The following RNF212 variants were observed in gnomAD, a reference collection of about 807,000 sequenced individuals.
RNF212 encodes probable E3 SUMO-protein ligase RNF212.
RNF212 carries 33 observed loss-of-function variants against 34.7 expected under a neutral mutation model. The ratio of observed to expected loss-of-function variants is 0.95; its 90% CI spans 0.72 to 1.27. The LOEUF (loss-of-function observed/expected upper bound fraction) is 1.27, where lower values mean the gene tolerates loss of function less well. RNF212 is among the 50% of genes most tolerant of loss of function. The pLI is 0.00. For missense variants in RNF212, 377 were observed against 362.2 expected (o/e 1.04, Z -0.33); for synonymous variants, 140 against 136.1 (o/e 1.03, Z -0.20).
rs1030168611 is a variant in RNF212, at chr4:1,072,519, A to G, written c.*355T>C. 1 of 289,278 alleles carries G rather than the reference A, an allele frequency of 3.5e-6. No homozygotes were observed. Among genetic ancestry groups the G allele is most frequent in the Non-Finnish European group, 5.7e-6 (1 of 174,376 alleles). 17.9% of individuals were successfully genotyped at this position (289,278 alleles called of 1,614,324 possible). On this transcript the variant is annotated 3_prime_UTR_variant, in exon 10 of 10. Coordinates refer to ENST00000433731, the MANE Select transcript of RNF212 (RefSeq NM_001131034.4). ...TGTGTGGAGTCATGGTGTATATGGG[A>G]AATCTGTACCTTCCTTTCAATTTTT...
chr4:1,093,860 C>A (rs1403523837), intron 3 of RNF212: 20 of 1,536,132 alleles, frequency 1.3e-5, no homozygotes, highest in Non-Finnish European at 1.4e-5. Context: ...GGACCGCCGG[C>A]ATCCTGGTCT....
At chr4:1,078,478 C>T (rs777658717) in intron 8 of RNF212, among the ~76,000 whole-genome samples, 1 of 152,324 alleles carries the variant, frequency 6.6e-6, no homozygotes, top group African/African-American at 2.4e-5. Flanking sequence ...CCCTGAGTTC[C>T]GGGCAGGTTT....
intron 3 of RNF212, chr4:1,058,486 C>T (rs967617576): frequency 3.7e-5 from 17 of 454,120 alleles, no homozygotes; most frequent in Middle Eastern, 4.3e-4. Flanking sequence ...TGAGCTTCTC[C>T]GTAGCTGTCA....
intron 4 of RNF212, among the ~76,000 whole-genome samples, chr4:1,089,379 A>G (rs1721833014): frequency 2.0e-5 from 3 of 152,174 alleles, no homozygotes; most frequent in Admixed American, 1.3e-4. Flanking sequence ...TCCCATTTGG[A>G]ATGGGAACAT....
At chr4:1,080,503 TG>T (rs1050918550) in intron 7 of RNF212, among the ~76,000 whole-genome samples, 2 of 152,140 alleles carry the variant, frequency 1.3e-5, no homozygotes, top group African/African-American at 4.8e-5. Flanking sequence ...CCCACTTGGC[TG>T]GCCCCGCTGA....
chr4:1,102,598 A>C (rs549180886), intron 2 of RNF212, among the ~76,000 whole-genome samples: 42 of 152,240 alleles, frequency 2.8e-4, no homozygotes, highest in African/African-American at 8.7e-4. Context: ...AAAAAACAAA[A>C]AAAAAACACT....
chr4:1,080,541 A>G (rs1424787361), intron 7 of RNF212, among the ~76,000 whole-genome samples: 1 of 152,088 alleles, frequency 6.6e-6, no homozygotes. Context: ...GACCGTACAG[A>G]TGTACCACAG....
At chr4:1,071,103 T>A (rs532248110), downstream of RNF212, among the ~76,000 whole-genome samples, 15 of 152,030 alleles carry the variant, frequency 9.9e-5, no homozygotes, top group East Asian at 1.9e-3. Flanking sequence ...TAAATTATTT[T>A]AAAAAACTAA....
At chr4:1,058,393 C>T in exon 4 of RNF212, 1 of 981,974 alleles carries the variant, frequency 1.0e-6, no homozygotes, top group Non-Finnish European at 1.2e-6. Context: ...GGAGACGCTG[C>T]CTGTGGTGGA....
chr4:1,081,602 T>G lies in RNF212; in HGVS notation c.380A>C (p.Gln127Pro), dbSNP rs750462993. The G allele has an allele frequency of 3.2e-5, 51 of 1,610,214 alleles. No homozygotes were observed. In the Middle Eastern group the frequency reaches 4.9e-4, roughly 16 times the overall value. Reference protein sequence around the residue: ...EQLQSMRSSQQTAFSTIKSSV... With the variant: ...EQLQSMRSSQPTAFSTIKSSV... ...ACTTTTTATTGTGCTGAAAGCTGTT[T>G]GTTGTGATGATCTCATACTAAATAG... Residue 127 changes from glutamine (Q) to proline (P), a missense_variant, in exon 6 of 10, where the codon CAA becomes CCA. By Grantham distance (76) the Gln-to-Pro change is moderately conservative. Coordinates refer to ENST00000433731, the MANE Select transcript of RNF212 (RefSeq NM_001131034.4).
chr4:1,103,827 A>G (rs535360874), intron 2 of RNF212, among the ~76,000 whole-genome samples: 6 of 152,338 alleles, frequency 3.9e-5, no homozygotes, highest in African/African-American at 1.4e-4. Flanking sequence ...GAAAATGACG[A>G]GGGCGCCAGC....
intron 1 of RNF212, among the ~76,000 whole-genome samples, chr4:1,111,063 T>C (rs1424438027): frequency 6.6e-6 from 1 of 152,178 alleles, no homozygotes; most frequent in African/African-American, 2.4e-5. Flanking sequence ...GTCTCCATCA[T>C]TCCTAACAAT....
chr4:1,075,931 G>A (rs1271382103), intron 8 of RNF212, among the ~76,000 whole-genome samples: 1 of 152,086 alleles, frequency 6.6e-6, no homozygotes, highest in Non-Finnish European at 1.5e-5. Context: ...CAAAGTGTTA[G>A]GATTACAGGC....
chr4:1,106,510 C>T (rs999190426), intron 2 of RNF212, among the ~76,000 whole-genome samples: 1 of 151,936 alleles, frequency 6.6e-6, no homozygotes, highest in Non-Finnish European at 1.5e-5. Flanking sequence ...TCAAATAATT[C>T]CTGAGTTAAA....
chr4:1,086,106 C>A, intron 4 of RNF212, 152 bp from the exon 5 acceptor site: 1 of 670,820 alleles, frequency 1.5e-6, no homozygotes, highest in East Asian at 2.6e-5. Context: ...TGGAGTTCCG[C>A]CCATCAGACA....
upstream of RNF212, chr4:1,113,674 C>T (rs1022040030): frequency 6.3e-6 from 3 of 473,486 alleles, no homozygotes; most frequent in African/African-American, 4.2e-5. Flanking sequence ...TGACTCGTCT[C>T]CCAGGTCGTT....
chr4:1,094,111 G>GA, intron 3 of RNF212: 1 of 1,383,262 alleles, frequency 7.2e-7, no homozygotes, highest in South Asian at 1.5e-5. Flanking sequence ...ACAAGCCCAT[G>GA]AAGGAGAGTG....
At chr4:1,110,702 G>A (rs1219539000) in intron 1 of RNF212, among the ~76,000 whole-genome samples, 1 of 152,168 alleles carries the variant, frequency 6.6e-6, no homozygotes, top group East Asian at 1.9e-4. Context: ...ATGCTTGGAA[G>A]GATATACACC....
At chr4:1,078,162 CTG>C (rs1044711932) in intron 8 of RNF212, among the ~76,000 whole-genome samples, 14 of 152,308 alleles carry the variant, frequency 9.2e-5, no homozygotes, top group African/African-American at 3.4e-4. Context: ...ATGAGCCACA[CTG>C]TGTCGCACAA....
Sources: gnomAD v4.1 joint callset for allele counts (sites outside exome capture counted in the v4.1 genomes callset) on GRCh38, gnomAD v4.1.1 for gene constraint, MANE v1.5 for transcripts, NCBI Gene and HGNC (gene_info 2026-07-23, HGNC 2026-07-21) for gene names.